The following MASP1 variants were observed in gnomAD, a reference collection of about 807,000 sequenced individuals.
The protein encoded by MASP1 is mannan-binding lectin serine protease 1.
A neutral mutation model predicts 77.1 loss-of-function variants in MASP1; 59 were observed. The observed-to-expected ratio is 0.77, with a 90% CI of 0.62 to 0.95. The LOEUF (loss-of-function observed/expected upper bound fraction) is 0.95. Among genes scored for constraint, MASP1 ranks in the 40% least tolerant of loss-of-function variants. MASP1 has a pLI of 0.00. For missense variants in MASP1, 885 were observed against 912.9 expected (o/e 0.97, Z 0.39); for synonymous variants, 362 against 354.5 (o/e 1.02, Z -0.24).
chr3:187,257,545 TG>T (rs1715199634), intron 4 of MASP1, among the ~76,000 whole-genome samples: 2 of 152,212 alleles, frequency 1.3e-5, no homozygotes, highest in South Asian at 4.2e-4. Context: ...CTATAACACC[TG>T]GCTGATTTTT....
At chr3:187,232,736 C>T (rs1712847042), downstream of MASP1, among the ~76,000 whole-genome samples, 1 of 152,176 alleles carries the variant, frequency 6.6e-6, no homozygotes, top group Non-Finnish European at 1.5e-5. Context: ...CTCAATACCT[C>T]AGTACCTCAA....
chr3:187,277,665 G>A (rs1405581465), intron 2 of MASP1, among the ~76,000 whole-genome samples: 1 of 152,200 alleles, frequency 6.6e-6, no homozygotes, highest in Non-Finnish European at 1.5e-5. Flanking sequence ...GGAGTTAGAA[G>A]AGCAGGGATT....
At chr3:187,263,111 T>C in intron 2 of MASP1, 1 of 263,822 alleles carries the variant, frequency 3.8e-6, no homozygotes, top group Non-Finnish European at 7.4e-6. Flanking sequence ...AAGTCATTCA[T>C]TGAGTATCCA....
exon 16 of MASP1, chr3:187,220,050 G>T (rs1168655252): frequency 6.2e-7 from 1 of 1,612,066 alleles, no homozygotes; most frequent in Non-Finnish European, 8.5e-7. Context: ...AGCTGGTGGT[G>T]CTGGGGCTGA....
At chr3:187,220,952 G>T in intron 15 of MASP1, 2 of 1,133,318 alleles carry the variant, frequency 1.8e-6, no homozygotes, top group East Asian at 2.4e-5. Context: ...CCACCAGGTT[G>T]GGAGGCCTCT....
intron 7 of MASP1, 170 bp downstream of exon 7, chr3:187,251,464 C>T: frequency 1.5e-6 from 1 of 659,022 alleles, no homozygotes; most frequent in East Asian, 2.6e-5. Context: ...GTGAGACCGC[C>T]TGGGACGCAT....
At position 187,253,290 on chromosome 3, in the gene MASP1, C is replaced by T; in HGVS notation, c.770G>A (p.Gly257Glu). ...IKIKVGPKVL[G>E]PFCGEKAPEP... is the part of the protein sequence containing the mutation. ...TGGGGCTTTCTCTCCACAGAAAGGC[C>T]CCAAAACTTTTGGACCAACTTTGAT... is the stretch of plus-strand genomic sequence containing the variant. The change falls in exon 6 of 11, where the codon GGG becomes GAG. Residue 257 changes from glycine to glutamate, a missense_variant. By Grantham distance (98) the Gly-to-Glu change is moderately conservative. Transcript: ENST00000296280. 1 of 1,613,954 alleles carries T rather than the reference C, an allele frequency of 6.2e-7. No individual in the cohort carries two copies. Among genetic ancestry groups the T allele is most frequent in the East Asian group, 2.2e-5 (1 of 44,874 alleles).
intron 2 of MASP1, among the ~76,000 whole-genome samples, chr3:187,282,894 A>G (rs1717650): frequency 6.6e-6 from 1 of 152,222 alleles, no homozygotes; most frequent in Admixed American, 6.5e-5. Context: ...AAATTGTCCC[A>G]ACTCACAGAT....
chr3:187,234,096 G>A lies in MASP1; in HGVS notation c.*1588C>T, dbSNP rs1234341360. On this transcript the variant is annotated 3_prime_UTR_variant, in exon 11 of 11. Coordinates refer to ENST00000296280, the MANE Select transcript of MASP1 (RefSeq NM_139125.4). ...TAAGCCAAGGCTGTTGGTTATCCAC[G>A]AGGGTTTATTTCCACTTGAGACCCC... 3.1e-6 allele frequency: 4 copies of A among 1,274,466 alleles called. No individual in the cohort carries two copies. Among genetic ancestry groups the A allele is most frequent in the Admixed American group, 4.7e-5 (2 of 42,790 alleles). 78.9% of individuals were successfully genotyped at this position (1,274,466 alleles called of 1,614,324 possible). A position where few individuals can be genotyped will look rare whatever the true frequency, so the allele number is the denominator to read the frequency against.
In MASP1 at chr3:187,236,381, T is replaced by TGAGCTGCTGTGAG; in HGVS notation, c.1477_1489dup (p.His497ProfsTer12). On this transcript the variant is annotated frameshift_variant, in exon 11 of 11. Transcript: ENST00000296280. LOFTEE classifies it high-confidence loss of function. ...GTCTCTACGCTGGGAGCGCAGCACA[T>TGAGCTGCTGTGAG]GAGCTGCTGTGAGGATCCAGGACGC... The TGAGCTGCTGTGAG allele has an allele frequency of 6.2e-7, 1 of 1,614,112 alleles. No homozygotes were observed. Among genetic ancestry groups the TGAGCTGCTGTGAG allele is most frequent in the Non-Finnish European group, 8.5e-7 (1 of 1,179,970 alleles).
chr3:187,254,914 T>C (rs1048517786), intron 5 of MASP1, among the ~76,000 whole-genome samples: 2 of 152,088 alleles, frequency 1.3e-5, no homozygotes, highest in African/African-American at 4.8e-5. Flanking sequence ...CCTGTCCTTA[T>C]TGAGGAGAGG....
chr3:187,238,870 C>T (rs1275604109), intron 10 of MASP1, among the ~76,000 whole-genome samples: 9 of 152,152 alleles, frequency 5.9e-5, no homozygotes, highest in Non-Finnish European at 1.3e-4. Flanking sequence ...ATGAGATGGC[C>T]TTCTCCATCC....
At chr3:187,225,601 C>A (rs554301431) in intron 12 of MASP1, 115 of 1,340,156 alleles carry the variant, frequency 8.6e-5, no homozygotes, top group Non-Finnish European at 1.2e-4. Context: ...CCCCATCCAG[C>A]CCTTGCTTCC....
intron 2 of MASP1, among the ~76,000 whole-genome samples, chr3:187,282,661 C>T (rs964661750): frequency 2.0e-5 from 3 of 152,094 alleles, no homozygotes; most frequent in Non-Finnish European, 4.4e-5. Flanking sequence ...GGCAGGGGCA[C>T]AGGGTGGTTT....
chr3:187,286,067 T>A lies in MASP1; in HGVS notation c.6-11A>T. Reference sequence around the variant, plus strand: ...TAGAGAAGCAGCCACCTGAAAGACATGAATGTAGGTCTACTTACATTTATA... The same window carrying A: ...TAGAGAAGCAGCCACCTGAAAGACAAGAATGTAGGTCTACTTACATTTATA... On this transcript the variant is annotated splice_polypyrimidine_tract_variant and intron_variant, in intron 1 of 10. Coordinates refer to ENST00000296280, the MANE Select transcript of MASP1 (RefSeq NM_139125.4). 1.2e-6 allele frequency: 2 copies of A among 1,600,214 alleles called. No individual in the cohort carries two copies. The highest frequency in any genetic ancestry group is 3.3e-4 in the Middle Eastern group (2 of 6,040).
chr3:187,271,913 C>T (rs187756070), intron 2 of MASP1, among the ~76,000 whole-genome samples: 24 of 152,172 alleles, frequency 1.6e-4, no homozygotes, highest in Non-Finnish European at 3.1e-4. Flanking sequence ...GCCCTTGGGT[C>T]GCAACAGAGT....
intron 8 of MASP1, chr3:187,246,682 T>A (rs1382171023): frequency 1.0e-6 from 1 of 989,098 alleles, no homozygotes; most frequent in African/African-American, 1.7e-5. Flanking sequence ...CCTATCTTTT[T>A]AAAATTTTTA....
Position 187,236,361 on chromosome 3 carries a change from T to C in MASP1, c.1510A>G (p.Arg504Gly). ...GAGACTGGTATCACCGTGGTGTCTC[T>C]ACGCTGGGAGCGCAGCACATGAGCT... ...TAAHVLRSQR[R>G]DTTVIPVSKE... Residue 504 changes from arginine to glycine, a missense_variant, in exon 11 of 11, where the codon AGA (arginine) becomes GGA (glycine). Coordinates refer to ENST00000296280, the MANE Select transcript of MASP1 (RefSeq NM_139125.4). The C allele has an allele frequency of 6.2e-7, 1 of 1,614,230 alleles. No homozygotes were observed. Among genetic ancestry groups the C allele is most frequent in the Non-Finnish European group, 8.5e-7 (1 of 1,180,040 alleles).
Position 187,234,538 on chromosome 3 carries a change from T to G in MASP1, c.*1146A>C. On this transcript the variant is annotated 3_prime_UTR_variant, in exon 11 of 11. Transcript: ENST00000296280. The stretch of plus-strand genomic sequence containing the variant: ...CAGAGCAGGGACTAGAACCCAGGAC[T>G]CCTGGCTCTTTTCACTGCCTGCCAT... The G allele has an allele frequency of 7.8e-7, 1 of 1,287,190 alleles. No homozygotes were observed. The highest frequency in any genetic ancestry group is 2.3e-5 in the Admixed American group (1 of 43,562). The allele number at this position is 1,287,190 out of a possible 1,614,324, so 79.7% of individuals were successfully genotyped here. A position where few individuals can be genotyped will look rare whatever the true frequency, so the allele number is the denominator to read the frequency against.
Sources: allele counts gnomAD v4.1 joint callset (sites outside exome capture counted in the v4.1 genomes callset), GRCh38; gene constraint gnomAD v4.1.1; transcripts MANE v1.5; gene names NCBI Gene and HGNC (gene_info 2026-07-23, HGNC 2026-07-21).